The following STAB2 variants were observed in gnomAD, a reference collection of about 807,000 sequenced individuals.
STAB2 encodes stabilin 2, also known as stabilin-2.
Under a neutral mutation model 338.1 loss-of-function variants are expected in STAB2, and 288 were observed. The ratio of observed to expected loss-of-function variants is 0.85; its 90% CI spans 0.77 to 0.94. STAB2 has a LOEUF of 0.94. Among genes scored for constraint, STAB2 ranks in the 40% least tolerant of loss-of-function variants. The probability of loss-of-function intolerance (pLI) is 0.00; values close to 1 mark genes in which losing one functional copy is unlikely to be tolerated. For synonymous variants in STAB2, 1,202 were observed against 1,193.3 expected (o/e 1.01, Z -0.15); for missense variants, 3,141 against 3,210.1 (o/e 0.98, Z 0.52).
intron 59 of STAB2, 61 bp from the exon 60 acceptor site, chr12:103,750,518 T>A: frequency 2.5e-6 from 4 of 1,595,976 alleles, no homozygotes; most frequent in Non-Finnish European, 3.4e-6. Context: ...CCATGGGCAC[T>A]TGGGCATCCT....
intron 10 of STAB2, among the ~76,000 whole-genome samples, chr12:103,649,298 C>T (rs2138723252): frequency 6.6e-6 from 1 of 152,254 alleles, no homozygotes; most frequent in Non-Finnish European, 1.5e-5. Context: ...ATGCAACCAT[C>T]TTAGCACCCT....
At chr12:103,714,226 C>A (rs17034405) in intron 42 of STAB2, among the ~76,000 whole-genome samples, 1 of 152,036 alleles carries the variant, frequency 6.6e-6, no homozygotes, top group Admixed American at 6.6e-5. Context: ...CAAAGTAACT[C>A]TCCCTGAAAA....
chr12:103,646,198 C>T (rs1873316793), intron 9 of STAB2, among the ~76,000 whole-genome samples: 1 of 152,136 alleles, frequency 6.6e-6, no homozygotes, highest in Admixed American at 6.5e-5. Context: ...AAAGAAAGAA[C>T]TCATATGCAA....
rs142918352 is a variant in STAB2, at chr12:103,765,762, G to C, written c.7606-524G>C. Among the ~76,000 whole-genome samples the C allele has an allele frequency of 2.0e-5, 3 of 151,996 alleles. No individual in the cohort carries two copies. The East Asian group carries it at 5.8e-4, about 29-fold the overall frequency. On this transcript the variant is annotated intron_variant, in intron 68 of 68. Transcript: ENST00000388887. Reference sequence around the variant, plus strand: ...TCACCGTGTTGCTCAGGCTGATCTCGAACTCCTGAGCTCAAGTGATCCGCC... The same window carrying C: ...TCACCGTGTTGCTCAGGCTGATCTCCAACTCCTGAGCTCAAGTGATCCGCC...
intron 19 of STAB2, among the ~76,000 whole-genome samples, chr12:103,666,797 A>G (rs1181905421): frequency 6.6e-6 from 1 of 152,262 alleles, no homozygotes; most frequent in Non-Finnish European, 1.5e-5. Context: ...GCAGAGACAT[A>G]CAAGAAAATA....
chr12:103,674,964 C>T (rs1876195445), intron 23 of STAB2, among the ~76,000 whole-genome samples: 1 of 152,150 alleles, frequency 6.6e-6, no homozygotes, highest in African/African-American at 2.4e-5. Flanking sequence ...ATCAACATTA[C>T]CGCTGAAACC....
intron 28 of STAB2, among the ~76,000 whole-genome samples, chr12:103,688,662 C>T (rs1877648829): frequency 1.3e-5 from 2 of 152,242 alleles, no homozygotes; most frequent in African/African-American, 4.8e-5. Context: ...AAAATAGACA[C>T]ATGCCAAATA....
chr12:103,747,155 T>C (rs1165584713), intron 58 of STAB2, among the ~76,000 whole-genome samples: 1 of 151,938 alleles, frequency 6.6e-6, no homozygotes, highest in Non-Finnish European at 1.5e-5. Flanking sequence ...CTACAAGTAA[T>C]CCAGCCTTCA....
intron 44 of STAB2, among the ~76,000 whole-genome samples, chr12:103,722,875 C>T (rs1275987070): frequency 2.0e-5 from 3 of 152,172 alleles, no homozygotes; most frequent in African/African-American, 7.2e-5. Flanking sequence ...GAGTGGGACC[C>T]AGACCCCAGG....
intron 18 of STAB2, among the ~76,000 whole-genome samples, chr12:103,665,770 A>T (rs1875033580): frequency 6.6e-6 from 1 of 152,048 alleles, no homozygotes; most frequent in Non-Finnish European, 1.5e-5. Context: ...GTCAGAGAGG[A>T]TCTGGAGAAA....
At chr12:103,743,504 G>C (rs1882756669) in intron 56 of STAB2, among the ~76,000 whole-genome samples, 1 of 152,088 alleles carries the variant, frequency 6.6e-6, no homozygotes, top group Non-Finnish European at 1.5e-5. Flanking sequence ...CCTCACATAG[G>C]GAATATTTGA....
rs770166047 is a variant in STAB2 at position 103,731,593 on chromosome 12, G to C, written c.5241G>C (p.Leu1747Phe). The C allele has an allele frequency of 9.3e-6, 15 of 1,613,712 alleles. No homozygotes were observed. The highest frequency in any genetic ancestry group is 1.2e-5 in the Non-Finnish European group (14 of 1,179,918). ...CTTTGCAGCAAAATCTTACGACTTT[G>C]GCAACAAACAATGGCTACATCAAAT... ...SGRILQNLTTLATNNGYIKFS... is the reference protein window; with the variant it reads ...SGRILQNLTTFATNNGYIKFS... The change falls in exon 50 of 69, where the codon TTG becomes TTC. Residue 1747 changes from leucine to phenylalanine, a missense_variant. Leu to Phe is a conservative substitution (Grantham distance 22, BLOSUM62 0). Transcript: ENST00000388887.
intron 59 of STAB2, 98 bp downstream of exon 59, chr12:103,749,254 T>C (rs751455308): frequency 5.9e-5 from 76 of 1,281,498 alleles, no homozygotes; most frequent in Non-Finnish European, 7.3e-5. Context: ...TCCTGGACTC[T>C]TCCTAAACAT....
chr12:103,760,998 G>A (rs1033675331), intron 65 of STAB2, among the ~76,000 whole-genome samples: 18 of 51,848 alleles, frequency 3.5e-4, no homozygotes, highest in African/African-American at 2.0e-3. Context: ...CAGGCATGGG[G>A]TTTGCTACTT....
chr12:103,627,455 C>A (rs1479757526), intron 5 of STAB2, among the ~76,000 whole-genome samples: 2 of 152,222 alleles, frequency 1.3e-5, no homozygotes, highest in Non-Finnish European at 2.9e-5. Context: ...TGGCTTTCAC[C>A]ACTTTAAAGT....
chr12:103,719,845 CCTAT>C (rs1880617360), intron 44 of STAB2, among the ~76,000 whole-genome samples: 1 of 152,212 alleles, frequency 6.6e-6, no homozygotes, highest in African/African-American at 2.4e-5. Context: ...AGCACTTGAG[CCTAT>C]CTCTGTCCTA....
At chr12:103,663,715 C>T (rs1874824450) in intron 18 of STAB2, among the ~76,000 whole-genome samples, 1 of 152,230 alleles carries the variant, frequency 6.6e-6, no homozygotes, top group Non-Finnish European at 1.5e-5. Context: ...AGCAGGGCCT[C>T]ATGTTAGCTT....
intron 25 of STAB2, among the ~76,000 whole-genome samples, chr12:103,682,856 G>A (rs1877048658): frequency 6.6e-6 from 1 of 152,180 alleles, no homozygotes; most frequent in Non-Finnish European, 1.5e-5. Flanking sequence ...GCTGAGGCAG[G>A]AGAATCGCTT....
intron 44 of STAB2, among the ~76,000 whole-genome samples, chr12:103,724,323 T>G (rs1250404186): frequency 3.3e-5 from 5 of 151,936 alleles, no homozygotes; most frequent in Non-Finnish European, 7.4e-5. Context: ...CAGGAAGAGG[T>G]GAAGGGAGCT....
Sources: gnomAD v4.1 joint callset for allele counts (sites outside exome capture counted in the v4.1 genomes callset) on GRCh38, gnomAD v4.1.1 for gene constraint, MANE v1.5 for transcripts, NCBI Gene and HGNC (gene_info 2026-07-23, HGNC 2026-07-21) for gene names.